The following NRXN1 variants were observed in gnomAD, a reference collection of about 807,000 sequenced individuals.
NRXN1 encodes neurexin 1, also known as neurexin-1.
Under a neutral mutation model 150.9 loss-of-function variants are expected in NRXN1, and 39 were observed. The ratio of observed to expected loss-of-function variants is 0.26; its 90% CI spans 0.20 to 0.34. NRXN1 has a LOEUF of 0.34. Ranked by LOEUF, NRXN1 falls within the 10% of genes least tolerant of loss-of-function variation. The probability of loss-of-function intolerance (pLI) is 1.00; values close to 1 mark genes in which losing one functional copy is unlikely to be tolerated. For synonymous variants in NRXN1, 924 were observed against 757.0 expected (o/e 1.22, Z -3.62); for missense variants, 1,815 against 1,949.9 (o/e 0.93, Z 1.30).
chr2:50,841,919 G>T (rs1311253665), intron 5 of NRXN1, among the ~76,000 whole-genome samples: 1 of 152,018 alleles, frequency 6.6e-6, no homozygotes, highest in Admixed American at 6.6e-5. Context: ...GTCATTTTTG[G>T]AAGGAACAAA....
chr2:50,746,815 T>A lies in NRXN1; in HGVS notation c.833-123200A>T, dbSNP rs115318812. 2.3e-3 allele frequency among the ~76,000 whole-genome samples: 344 copies of A among 152,212 alleles called. 2 individuals are homozygous for A. Among genetic ancestry groups the A allele is most frequent in the African/African-American group, 7.7e-3 (321 of 41,562 alleles). The stretch of plus-strand genomic sequence containing the variant: ...CAAATTCTCCTCCACTTCTACAGTA[T>A]CTGCAGAGTGTCTAGAAATGAGAAG... On this transcript the variant is annotated intron_variant, in intron 5 of 22. Transcript: ENST00000401669.
At chr2:50,932,988 T>C (rs1687991694) in intron 2 of NRXN1, among the ~76,000 whole-genome samples, 5 of 151,850 alleles carry the variant, frequency 3.3e-5, no homozygotes, top group Admixed American at 2.6e-4. Flanking sequence ...AAAAAAAGGC[T>C]CCCAGTCCTC....
At position 50,297,310 on chromosome 2, in the gene NRXN1, G is replaced by A. The variant is rs191583348; in HGVS notation, c.3365-60340C>T. On this transcript the variant is annotated intron_variant, in intron 17 of 22. Coordinates refer to ENST00000401669, the MANE Select transcript of NRXN1 (RefSeq NM_001330078.2). ...TGTGGTTAACATCTTCGATGATGAA[G>A]AACCATGGAGTTGGCAATTTGGCTA... is the stretch of plus-strand genomic sequence containing the variant. Among the ~76,000 whole-genome samples, 616 of 152,298 alleles carry A rather than the reference G, an allele frequency of 4.0e-3. 2 individuals carry two copies. The highest frequency in any genetic ancestry group is 7.0e-3 in the Non-Finnish European group (474 of 68,032).
chr2:50,964,478 G>C (rs977588978), intron 2 of NRXN1, among the ~76,000 whole-genome samples: 1 of 151,444 alleles, frequency 6.6e-6, no homozygotes, highest in East Asian at 1.9e-4. Flanking sequence ...TCATTTAAAA[G>C]ATGTAAACAT....
chr2:50,373,665 A>AAGAAAGAAG lies in NRXN1; in HGVS notation c.3364+91776_3364+91777insCTTCTTTCT, dbSNP rs1316354559. Among the ~76,000 whole-genome samples the AAGAAAGAAG allele has an allele frequency of 3.3e-3, 351 of 106,444 alleles. 3 individuals are homozygous for AAGAAAGAAG. The highest frequency in any genetic ancestry group is 0.013 in the African/African-American group (324 of 24,676). The allele number at this position is 106,444 out of a possible 152,430, so 69.8% of individuals were successfully genotyped here. ...AAGAAAGAAAGAAAGAAAGAAAGAA[A>AAGAAAGAAG]GAAAGAAAGAAAGAAAAGAAAGAAG... is the stretch of plus-strand genomic sequence containing the variant. On this transcript the variant is annotated intron_variant, in intron 17 of 22. Coordinates refer to ENST00000401669, the MANE Select transcript of NRXN1 (RefSeq NM_001330078.2).
chr2:50,950,763 G>C (rs1313945192), intron 2 of NRXN1, among the ~76,000 whole-genome samples: 1 of 152,214 alleles, frequency 6.6e-6, no homozygotes, highest in East Asian at 1.9e-4. Context: ...GTGAGTGTAA[G>C]CGCTAGGGTC....
intron 17 of NRXN1, among the ~76,000 whole-genome samples, chr2:50,369,416 C>A (rs965554831): frequency 2.0e-5 from 3 of 151,912 alleles, no homozygotes; most frequent in African/African-American, 7.2e-5. Context: ...GTTTTCTCAG[C>A]AATAATTCTT....
chr2:50,474,839 C>CCCCCAAAAA (rs1558795095), intron 15 of NRXN1, among the ~76,000 whole-genome samples: 3 of 108,836 alleles, frequency 2.8e-5, no homozygotes, highest in Non-Finnish European at 5.5e-5. Context: ...GCCCCCCTAC[C>CCCCCAAAAA]AAAAAAAAAA....
At chr2:49,931,571 G>T (rs775702267) in intron 22 of NRXN1, among the ~76,000 whole-genome samples, 8 of 151,790 alleles carry the variant, frequency 5.3e-5, no homozygotes, top group Non-Finnish European at 1.0e-4. Context: ...TTTCAGTCCT[G>T]TTGCTATTGG....
At chr2:50,646,304 T>G (rs1291068543) in intron 5 of NRXN1, among the ~76,000 whole-genome samples, 1 of 152,038 alleles carries the variant, frequency 6.6e-6, no homozygotes, top group Admixed American at 6.6e-5. Flanking sequence ...CTTAGAACTT[T>G]CCTGAACTTT....
chr2:50,210,024 A>G (rs2062900123), intron 18 of NRXN1, among the ~76,000 whole-genome samples: 1 of 152,000 alleles, frequency 6.6e-6, no homozygotes, highest in African/African-American at 2.4e-5. Context: ...TTTTCCATTC[A>G]AAACCAAAAT....
chr2:50,048,791 G>A (rs774616839), intron 21 of NRXN1, among the ~76,000 whole-genome samples: 1 of 152,040 alleles, frequency 6.6e-6, no homozygotes, highest in Non-Finnish European at 1.5e-5. Context: ...GAGTAGGTTT[G>A]CTAACTCTAC....
At chr2:50,166,625 T>C (rs2059706381) in intron 18 of NRXN1, among the ~76,000 whole-genome samples, 1 of 152,160 alleles carries the variant, frequency 6.6e-6, no homozygotes, top group Non-Finnish European at 1.5e-5. Flanking sequence ...ACTAACTTTG[T>C]AGTAATCTAT....
intron 17 of NRXN1, among the ~76,000 whole-genome samples, chr2:50,403,053 G>C (rs765936560): frequency 6.6e-6 from 1 of 152,068 alleles, no homozygotes; most frequent in African/African-American, 2.4e-5. Flanking sequence ...ATCATCAAAA[G>C]GTAATCCAGG....
At chr2:50,533,394 C>A (rs956954028) in intron 10 of NRXN1, among the ~76,000 whole-genome samples, 1 of 152,150 alleles carries the variant, frequency 6.6e-6, no homozygotes, top group South Asian at 2.1e-4. Context: ...TGAACAAACT[C>A]AAAACATGCT....
In NRXN1 at chr2:50,862,202, C is replaced by CAA. The variant is rs370954338; in HGVS notation, c.832+59665_832+59666dup. ...AGAGGACAAGAGCGAGATTCCATCT[C>CAA]AAAAAAAAAAAAAAAAAATTCATGC... On this transcript the variant is annotated intron_variant, in intron 5 of 22. Coordinates refer to ENST00000401669, the MANE Select transcript of NRXN1 (RefSeq NM_001330078.2). Among the ~76,000 whole-genome samples the CAA allele has an allele frequency of 2.7e-3, 203 of 76,302 alleles. 1 individual carries two copies. The highest frequency in any genetic ancestry group is 3.3e-3 in the Non-Finnish European group (126 of 37,822). 50.1% of individuals were successfully genotyped at this position (76,302 alleles called of 152,430 possible). A position where few individuals can be genotyped will look rare whatever the true frequency, so the allele number is the denominator to read the frequency against.
At chr2:50,412,882 G>A (rs2083288314) in intron 17 of NRXN1, among the ~76,000 whole-genome samples, 1 of 152,190 alleles carries the variant, frequency 6.6e-6, no homozygotes, top group Non-Finnish European at 1.5e-5. Flanking sequence ...GGATCCATAT[G>A]CAGAAGAACG....
At chr2:50,973,811 T>C (rs1427019457) in intron 2 of NRXN1, among the ~76,000 whole-genome samples, 1 of 152,130 alleles carries the variant, frequency 6.6e-6, no homozygotes, top group Non-Finnish European at 1.5e-5. Context: ...TATTTTTTAT[T>C]TATCTCAGTC....
rs192140440 is a variant in NRXN1, at chr2:50,565,448, G to A, written c.1321-12423C>T. On this transcript the variant is annotated intron_variant, in intron 8 of 22. Coordinates refer to ENST00000401669, the MANE Select transcript of NRXN1 (RefSeq NM_001330078.2). Reference sequence around the variant, plus strand: ...GCAGTCACTGAGCATCCTAGACCAAGTATCCAGATGGCTATGTTTTTTAAA... The same window carrying A: ...GCAGTCACTGAGCATCCTAGACCAAATATCCAGATGGCTATGTTTTTTAAA... Among the ~76,000 whole-genome samples the A allele has an allele frequency of 5.0e-3, 756 of 152,020 alleles. 4 individuals are homozygous for A. Among genetic ancestry groups the A allele is most frequent in the Non-Finnish European group, 8.4e-3 (572 of 67,984 alleles).
Sources: allele counts gnomAD v4.1 joint callset (sites outside exome capture counted in the v4.1 genomes callset), GRCh38; gene constraint gnomAD v4.1.1; transcripts MANE v1.5; gene names NCBI Gene and HGNC (gene_info 2026-07-23, HGNC 2026-07-21).